Variants in OR2L13 observed in about 807,000 individuals in gnomAD.
OR2L13 encodes the protein olfactory receptor family 2 subfamily L member 13, also known as olfactory receptor 2L13.
A neutral mutation model predicts 15.3 loss-of-function variants in OR2L13; 14 were observed. That is an observed-to-expected ratio of 0.91 (90% CI 0.60 to 1.43). The LOEUF (loss-of-function observed/expected upper bound fraction) is 1.43, where lower values mean the gene tolerates loss of function less well. Ranked by LOEUF, OR2L13 falls within the 40% of genes most tolerant of loss-of-function variation. The pLI is 0.00. For missense variants in OR2L13, 367 were observed against 387.9 expected (o/e 0.95, Z 0.45); for synonymous variants, 152 against 142.9 (o/e 1.06, Z -0.45).
the OR2L13 span, among the ~76,000 whole-genome samples, chr1:248,027,650 T>G: frequency 2.0e-4 from 30 of 152,226 alleles, 1 homozygote. Flanking sequence ...TGTGAAATAT[T>G]GGGGGCTGAA....
the OR2L13 span, among the ~76,000 whole-genome samples, chr1:247,964,629 A>G: frequency 0.024 from 3,686 of 152,128 alleles, 77 homozygotes; most frequent in East Asian, 0.089. Flanking sequence ...TCTATTTTAT[A>G]TTAACATAGC....
the OR2L13 span, among the ~76,000 whole-genome samples, chr1:247,964,658 C>G: frequency 1.7e-3 from 254 of 151,828 alleles, 1 homozygote; most frequent in African/African-American, 6.0e-3. Context: ...TTAATTCATT[C>G]TACTTTGGGA....
At chr1:248,079,686 G>C in the OR2L13 span, among the ~76,000 whole-genome samples, 1 of 152,168 alleles carries the variant, frequency 6.6e-6, no homozygotes, top group East Asian at 1.9e-4. Flanking sequence ...TACCTAATCT[G>C]TCACTGAGGC....
At chr1:247,955,647 G>C in the OR2L13 span, among the ~76,000 whole-genome samples, 1 of 141,534 alleles carries the variant, frequency 7.1e-6, no homozygotes. Context: ...CATTCTAACT[G>C]GTGTGAGATG....
the OR2L13 span, chr1:248,083,583 T>A: frequency 1.8e-6 from 2 of 1,135,686 alleles, no homozygotes; most frequent in South Asian, 2.8e-5. Flanking sequence ...AGAATTACAA[T>A]GTGTTAAAAT....
At chr1:247,976,058 C>G in the OR2L13 span, among the ~76,000 whole-genome samples, 1 of 152,060 alleles carries the variant, frequency 6.6e-6, no homozygotes, top group African/African-American at 2.4e-5. Flanking sequence ...TATTTTCTCT[C>G]AACCGGTGGG....
the OR2L13 span, among the ~76,000 whole-genome samples, chr1:248,036,385 T>C: frequency 6.6e-6 from 1 of 152,218 alleles, no homozygotes; most frequent in East Asian, 1.9e-4. Flanking sequence ...ATGATATTTA[T>C]TTGGTGGATT....
the OR2L13 span, among the ~76,000 whole-genome samples, chr1:248,044,442 TCACC>T: frequency 6.6e-6 from 1 of 152,168 alleles, no homozygotes; most frequent in African/African-American, 2.4e-5. Flanking sequence ...TCTCATGACG[TCACC>T]ACTCACTCTC....
the OR2L13 span, among the ~76,000 whole-genome samples, chr1:247,977,028 A>G: frequency 9.9e-5 from 15 of 152,004 alleles, no homozygotes; most frequent in Non-Finnish European, 7.4e-5. Context: ...TTTATATTCT[A>G]CTCTCATACA....
At chr1:248,060,237 A>T in the OR2L13 span, among the ~76,000 whole-genome samples, 1 of 152,160 alleles carries the variant, frequency 6.6e-6, no homozygotes, top group Admixed American at 6.5e-5. Context: ...TGTAATAGAG[A>T]TATCTTTCTT....
the OR2L13 span, chr1:247,965,509 C>T: frequency 6.2e-7 from 1 of 1,613,442 alleles, no homozygotes; most frequent in Non-Finnish European, 8.5e-7. Flanking sequence ...AAATATCATG[C>T]TGATCCACCT....
the OR2L13 span, among the ~76,000 whole-genome samples, chr1:248,018,184 C>CT: frequency 6.6e-6 from 1 of 151,012 alleles, no homozygotes; most frequent in Non-Finnish European, 1.5e-5. Context: ...CGTTATTTTT[C>CT]TTTTTTAAAA....
the OR2L13 span, chr1:248,022,075 CCATGATT>C: frequency 3.1e-6 from 5 of 1,613,838 alleles, no homozygotes; most frequent in Admixed American, 8.3e-5. Flanking sequence ...GGAAACCTAT[CCATGATT>C]CTTCTCATCT....
the OR2L13 span, among the ~76,000 whole-genome samples, chr1:248,010,763 G>GTTTTTTTTTTTTTTTTTTTTTT: frequency 6.7e-5 from 3 of 44,474 alleles, 1 homozygote; most frequent in African/African-American, 2.0e-4. Context: ...CTTTGTTGTT[G>GTTTTTTTTTTTTTTTTTTTTTT]TTTTTTTTTT....
chr1:247,990,539 T>C, the OR2L13 span: 2 of 1,566,958 alleles, frequency 1.3e-6, no homozygotes, highest in Non-Finnish European at 1.8e-6. Flanking sequence ...AACAAGTCTA[T>C]CTCCTTCACT....
chr1:248,083,852 G>A, the OR2L13 span: 1 of 1,612,702 alleles, frequency 6.2e-7, no homozygotes, highest in Non-Finnish European at 8.5e-7. Flanking sequence ...CTCCATAAAA[G>A]AGTCCCACCA....
At chr1:248,017,582 G>A in the OR2L13 span, among the ~76,000 whole-genome samples, 1 of 152,220 alleles carries the variant, frequency 6.6e-6, no homozygotes, top group African/African-American at 2.4e-5. Context: ...TTATTGGGAA[G>A]TGCTTCCCCT....
At chr1:248,018,363 T>A in the OR2L13 span, among the ~76,000 whole-genome samples, 2 of 152,198 alleles carry the variant, frequency 1.3e-5, no homozygotes, top group African/African-American at 4.8e-5. Flanking sequence ...TTTGGAATGT[T>A]GTGTTAGTAA....
chr1:248,074,204 C>A, the OR2L13 span, among the ~76,000 whole-genome samples: 32 of 151,954 alleles, frequency 2.1e-4, no homozygotes, highest in African/African-American at 7.2e-4. Context: ...TATCAATGAC[C>A]AGTAAGCATC....
Sources: gnomAD v4.1 joint callset for allele counts (sites outside exome capture counted in the v4.1 genomes callset) on GRCh38, gnomAD v4.1.1 for gene constraint, MANE v1.5 for transcripts, NCBI Gene and HGNC (gene_info 2026-07-23, HGNC 2026-07-21) for gene names.